The following AJUBA variants were observed in gnomAD, a reference collection of about 807,000 sequenced individuals.
The protein encoded by AJUBA is ajuba LIM protein.
Under a neutral mutation model 53.3 loss-of-function variants are expected in AJUBA, and 20 were observed. The ratio of observed to expected loss-of-function variants is 0.38; its 90% CI spans 0.26 to 0.55. The LOEUF (loss-of-function observed/expected upper bound fraction) is 0.55. Ranked by LOEUF, AJUBA falls within the 20% of genes least tolerant of loss-of-function variation. The pLI, the probability that AJUBA is intolerant of heterozygous loss-of-function variation, is 0.80. For synonymous variants in AJUBA, 296 were observed against 306.2 expected (o/e 0.97, Z 0.35); for missense variants, 580 against 730.5 (o/e 0.79, Z 2.38).
chr14:22,977,154 A>T (rs922943612), intron 2 of AJUBA: 4 of 1,000,292 alleles, frequency 4.0e-6, no homozygotes, highest in Non-Finnish European at 4.8e-6. Flanking sequence ...TTGCCTGAGC[A>T]TATCTATCCT....
Position 22,973,326 on chromosome 14 carries a change from C to T in AJUBA, c.*117G>A. On this transcript the variant is annotated 3_prime_UTR_variant, in exon 8 of 8. Transcript: ENST00000262713. The stretch of plus-strand genomic sequence containing the variant: ...GGGTCTCCGGCCCTTGGGGTCCTCC[C>T]CAGAGGACTCTTCTGCCAGGCCTGC... 6.9e-7 allele frequency: 1 copy of T among 1,439,744 alleles called. No homozygotes were observed. 89.2% of individuals were successfully genotyped at this position (1,439,744 alleles called of 1,614,324 possible).
At chr14:22,976,623 G>C (rs1293826574) in intron 3 of AJUBA, 22 bp downstream of exon 3, 3 of 1,613,410 alleles carry the variant, frequency 1.9e-6, no homozygotes, top group Non-Finnish European at 2.5e-6. Context: ...ACCAATTCCA[G>C]GTCCAGGTGA....
chr14:22,976,786 G>A (rs532177650), intron 2 of AJUBA, 74 bp from the exon 3 acceptor site: 14 of 1,569,810 alleles, frequency 8.9e-6, no homozygotes, highest in East Asian at 4.5e-5. Context: ...ACTGCTCCCC[G>A]CTGCTGCATA....
Position 22,971,458 on chromosome 14 carries a change from C to T in AJUBA, c.*1985G>A, listed in dbSNP as rs2044982847. Reference sequence around the variant, plus strand: ...GTCATCATTTCCAGTAAGAAACTCACTGAGTGACAGAAAATGAAGACTAAA... The same window carrying T: ...GTCATCATTTCCAGTAAGAAACTCATTGAGTGACAGAAAATGAAGACTAAA... On this transcript the variant is annotated 3_prime_UTR_variant, in exon 8 of 8. Transcript: ENST00000262713. 6.6e-6 allele frequency: 1 copy of T among 152,190 alleles called. No homozygotes were observed. 9.4% of individuals were successfully genotyped at this position (152,190 alleles called of 1,614,324 possible). A position where few individuals can be genotyped will look rare whatever the true frequency, so the allele number is the denominator to read the frequency against.
At position 22,981,304 on chromosome 14, in the gene AJUBA, G is replaced by A. The variant is rs1361865244; in HGVS notation, c.963C>T (p.Ala321=). ...CCTCTGGCTCCCGCATCCGGGCCCG[G>A]GCGGCCTCCGGAACGAAAGGACCTG... The part of the protein sequence containing the change: ...EPPGPFVPEA[A]RARMREPEAR... The change falls in exon 1 of 8, where the codon GCC becomes GCT. Residue 321 remains alanine (A), a synonymous_variant. Transcript: ENST00000262713. The A allele has an allele frequency of 2.5e-6, 4 of 1,611,434 alleles. No individual in the cohort carries two copies. Among genetic ancestry groups the A allele is most frequent in the Non-Finnish European group, 2.5e-6 (3 of 1,178,412 alleles).
Position 22,982,491 on chromosome 14 carries a change from G to A in AJUBA, c.-225C>T. On this transcript the variant is annotated 5_prime_UTR_variant, in exon 1 of 8. Transcript: ENST00000262713. ...TCTGGGGCTGAGCGGGGCTAGCAGG[G>A]TCTCTGGCCGCGGCTGTCCAGTCCG... 2 of 1,406,872 alleles carry A rather than the reference G, an allele frequency of 1.4e-6. No individual in the cohort carries two copies. Among genetic ancestry groups the A allele is most frequent in the Middle Eastern group, 2.6e-4 (1 of 3,798 alleles). The allele number at this position is 1,406,872 out of a possible 1,614,324, so 87.1% of individuals were successfully genotyped here. A position where few individuals can be genotyped will look rare whatever the true frequency, so the allele number is the denominator to read the frequency against.
At position 22,979,778 on chromosome 14, in the gene AJUBA, C is replaced by T. The variant is rs1271929149; in HGVS notation, c.1007-1333G>A. On this transcript the variant is annotated intron_variant, in intron 1 of 7. Transcript: ENST00000262713. The surrounding 1 kb of genome is among the most constrained non-coding windows in gnomAD (Gnocchi z 4.0). ...CCTCCTCTAACCCAGCATATCTATA[C>T]CTATGTTCTTCCTGCCATTTTATTG... Among the ~76,000 whole-genome samples, 2 of 152,212 alleles carry T rather than the reference C, an allele frequency of 1.3e-5. No individual in the cohort carries two copies. The highest frequency in any genetic ancestry group is 2.9e-5 in the Non-Finnish European group (2 of 68,026).
intron 6 of AJUBA, among the ~76,000 whole-genome samples, 171 bp from the exon 7 acceptor site, chr14:22,974,286 A>T (rs2045013446): frequency 1.3e-5 from 2 of 152,036 alleles, no homozygotes; most frequent in South Asian, 4.1e-4. Context: ...CAGAACTCTC[A>T]TCTCCTTCAC....
At position 22,981,748 on chromosome 14, in the gene AJUBA, G is replaced by A. The variant is rs761696802; in HGVS notation, c.519C>T (p.His173=). The A allele has an allele frequency of 2.0e-6, 3 of 1,534,090 alleles. No individual in the cohort carries two copies. Among genetic ancestry groups the A allele is most frequent in the South Asian group, 1.2e-5 (1 of 83,750 alleles). The change falls in exon 1 of 8, where the codon CAC becomes CAT. Residue 173 remains histidine (H), a synonymous_variant. Transcript: ENST00000262713. ...ACGGCCCCGCTGGCAAGGGGCTCCC[G>A]TGGCGCTGGTCGTAGCCCATGCTGA... ...SGISMGYDQR[H]GSPLPAGPCL... is the part of the protein sequence containing the mutation.
At chr14:22,976,114 G>C (rs909882854) in intron 4 of AJUBA, among the ~76,000 whole-genome samples, 5 of 128,598 alleles carry the variant, frequency 3.9e-5, no homozygotes, top group African/African-American at 1.5e-4. Context: ...AGTGAGCCGA[G>C]ATCATTCCAC....
In AJUBA at chr14:22,971,714, G is replaced by A. The variant is rs1360378003; in HGVS notation, c.*1729C>T. 1 of 152,086 alleles carries A rather than the reference G, an allele frequency of 6.6e-6. No homozygotes were observed. Among genetic ancestry groups the A allele is most frequent in the Non-Finnish European group, 1.5e-5 (1 of 68,032 alleles). 9.4% of individuals were successfully genotyped at this position (152,086 alleles called of 1,614,324 possible). On this transcript the variant is annotated 3_prime_UTR_variant, in exon 8 of 8. Coordinates refer to ENST00000262713, the MANE Select transcript of AJUBA (RefSeq NM_032876.6). Reference sequence around the variant, plus strand: ...TTTAACAGTAGGAATGTAGAAGTTAGACCAAAGCATCAAAATCACATTGAA... The same window carrying A: ...TTTAACAGTAGGAATGTAGAAGTTAAACCAAAGCATCAAAATCACATTGAA...
rs2044993800 is a variant in AJUBA at position 22,972,565 on chromosome 14, C to T, written c.*878G>A. 1 of 152,632 alleles carries T rather than the reference C, an allele frequency of 6.6e-6. No homozygotes were observed. The highest frequency in any genetic ancestry group is 1.5e-5 in the Non-Finnish European group (1 of 68,064). 9.5% of individuals were successfully genotyped at this position (152,632 alleles called of 1,614,324 possible). A position where few individuals can be genotyped will look rare whatever the true frequency, so the allele number is the denominator to read the frequency against. On this transcript the variant is annotated 3_prime_UTR_variant, in exon 8 of 8. Transcript: ENST00000262713. ...CGTACAATCACCTACCTAGCCTCCC[C>T]AGACCCATGTAAGTTCCTGAGAAAC...
At position 22,976,449 on chromosome 14, in the gene AJUBA, T is replaced by C. The variant is rs758781837; in HGVS notation, c.1239+7A>G. The C allele has an allele frequency of 6.2e-7, 1 of 1,614,138 alleles. No individual in the cohort carries two copies. The highest frequency in any genetic ancestry group is 1.1e-5 in the South Asian group (1 of 91,084). On this transcript the variant is annotated splice_region_variant and intron_variant, in intron 4 of 7. Transcript: ENST00000262713. ...TGAGACTTCTCAGCTGAAAGCACTTTACTTACCTTCTCCAAAATCAAGTGA... is the reference window on the plus strand; with the variant it reads ...TGAGACTTCTCAGCTGAAAGCACTTCACTTACCTTCTCCAAAATCAAGTGA...
At chr14:22,977,964 C>T (rs1290038463) in intron 2 of AJUBA, among the ~76,000 whole-genome samples, 4 of 151,598 alleles carry the variant, frequency 2.6e-5, no homozygotes, top group Non-Finnish European at 4.4e-5. Flanking sequence ...CCCAGCCTGC[C>T]CCCACCCTCC....
chr14:22,981,569 G>T lies in AJUBA; in HGVS notation c.698C>A (p.Pro233Gln). The T allele has an allele frequency of 6.4e-7, 1 of 1,570,892 alleles. No homozygotes were observed. The change falls in exon 1 of 8, where the codon CCG becomes CAG. Residue 233 changes from proline to glutamine, a missense_variant. Physicochemically the swap from Pro to Gln is moderately conservative, Grantham distance 76. This residue lies in a region of AJUBA where 430 missense variants were observed against 471.5 expected (regional missense o/e 0.91). Coordinates refer to ENST00000262713, the MANE Select transcript of AJUBA (RefSeq NM_032876.6). ...TAGAGCTCCAGGGCTGCCCAGGGCC[G>T]GGGGATACGAGTGGCGGCTTTCCTG... ...GCQESRHSYP[P>Q]ALGSPGALAG...
At position 22,981,373 on chromosome 14, in the gene AJUBA, G is replaced by T. The variant is rs1019060030; in HGVS notation, c.894C>A (p.Arg298=). Residue 298 remains arginine (R), a synonymous_variant, in exon 1 of 8, where the codon CGC becomes CGA. Coordinates refer to ENST00000262713, the MANE Select transcript of AJUBA (RefSeq NM_032876.6). ...VGTGGREAGA[R]GEPSGIEPSG... The stretch of plus-strand genomic sequence containing the variant: ...ACGGCTCAATCCCCGAGGGTTCTCC[G>T]CGGGCTCCGGCTTCTCGCCCACCGG... The T allele has an allele frequency of 6.2e-7, 1 of 1,612,964 alleles. No individual in the cohort carries two copies. The highest frequency in any genetic ancestry group is 8.5e-7 in the Non-Finnish European group (1 of 1,179,936).
chr14:22,980,762 C>T (rs1249033663), intron 1 of AJUBA: 3 of 887,230 alleles, frequency 3.4e-6, no homozygotes, highest in Non-Finnish European at 2.7e-6. Context: ...GGCAGCCGCC[C>T]CGCCCGCGGG....
chr14:22,976,969 C>T (rs1873473873), intron 2 of AJUBA: 1 of 1,362,998 alleles, frequency 7.3e-7, no homozygotes, highest in Non-Finnish European at 9.4e-7. Flanking sequence ...TTTCTAGGGC[C>T]CCTCCCCTAA....
At chr14:22,974,167 C>T in intron 6 of AJUBA, 52 bp from the exon 7 acceptor site, 2 of 1,595,742 alleles carry the variant, frequency 1.3e-6, no homozygotes, top group Non-Finnish European at 8.6e-7. Flanking sequence ...GCCTCACCTC[C>T]ACCTTTCCCT....
Sources: gnomAD v4.1 joint callset for allele counts (sites outside exome capture counted in the v4.1 genomes callset) on GRCh38, gnomAD v4.1.1 for gene constraint, gnomAD v4.1.1 regional missense constraint, Gnocchi (gnomAD v3.1) non-coding constraint, MANE v1.5 for transcripts, NCBI Gene and HGNC (gene_info 2026-07-23, HGNC 2026-07-21) for gene names.